Variants in GALNT18 observed in about 807,000 individuals in gnomAD.
GALNT18 encodes the protein GalNAc-transferase 18.
GALNT18 carries 44 observed loss-of-function variants against 69.5 expected under a neutral mutation model. That is an observed-to-expected ratio of 0.63 (90% CI 0.50 to 0.81). GALNT18 has a LOEUF of 0.81. Among genes scored for constraint, GALNT18 ranks in the 40% least tolerant of loss-of-function variants. The pLI is 0.00. For missense variants in GALNT18, 715 were observed against 810.0 expected, an observed-to-expected ratio of 0.88 and a Z score of 1.42; for synonymous variants, 364 against 318.2, an observed-to-expected ratio of 1.14 and a Z score of -1.53.
rs1854136398 is a variant in GALNT18 at position 11,389,638 on chromosome 11, C to T, written c.596-10374G>A. On this transcript the variant is annotated intron_variant, in intron 3 of 10. Coordinates refer to ENST00000227756, the MANE Select transcript of GALNT18 (RefSeq NM_198516.3). The surrounding 1 kb of genome is among the most constrained non-coding windows in gnomAD (Gnocchi z 4.3). ...CAGGCAGGAGTGGACGCTGCTCCAG[C>T]CCCAGCTCCTCCAGCTTAGGAGTAC... is the stretch of plus-strand genomic sequence containing the variant. Among the ~76,000 whole-genome samples, 1 of 152,170 alleles carries T rather than the reference C, an allele frequency of 6.6e-6. No individual in the cohort carries two copies. Among genetic ancestry groups the T allele is most frequent in the South Asian group, 2.1e-4 (1 of 4,826 alleles).
In GALNT18 at chr11:11,542,665, AC is replaced by A. The variant is rs1857954725; in HGVS notation, c.235+78693del. 6.6e-6 allele frequency among the ~76,000 whole-genome samples: 1 copy of A among 152,214 alleles called. No individual in the cohort carries two copies. Among genetic ancestry groups the A allele is most frequent in the African/African-American group, 2.4e-5 (1 of 41,454 alleles). ...GGCAGCATGGGTTCAAATCTCTGCTACTTTCTAGTTGTGTAATCTTGGTCAC... is the reference window on the plus strand; with the variant it reads ...GGCAGCATGGGTTCAAATCTCTGCTATTTCTAGTTGTGTAATCTTGGTCAC... On this transcript the variant is annotated intron_variant, in intron 1 of 10. Transcript: ENST00000227756. This position sits in a 1 kb window ranked among gnomAD's most constrained non-coding sequence, Gnocchi z 4.3.
chr11:11,571,592 T>G (rs1858794723), intron 1 of GALNT18, among the ~76,000 whole-genome samples: 1 of 152,292 alleles, frequency 6.6e-6, no homozygotes, highest in East Asian at 1.9e-4. Context: ...CAACCGCATG[T>G]CCAGGAGCCC....
intron 2 of GALNT18, among the ~76,000 whole-genome samples, chr11:11,447,793 G>C (rs760842901): frequency 1.3e-5 from 2 of 152,168 alleles, no homozygotes; most frequent in Admixed American, 6.5e-5. Context: ...CTCCTACCTG[G>C]TCCCTCCCAC....
At chr11:11,441,018 G>C (rs1855522236) in intron 2 of GALNT18, among the ~76,000 whole-genome samples, 2 of 152,198 alleles carry the variant, frequency 1.3e-5, no homozygotes. Flanking sequence ...TCACCTGTTT[G>C]TCATACTACC....
At position 11,318,245 on chromosome 11, in the gene GALNT18, G is replaced by C. The variant is rs549000624; in HGVS notation, c.1512+8841C>G. 1.3e-4 allele frequency among the ~76,000 whole-genome samples: 20 copies of C among 152,282 alleles called. No individual in the cohort carries two copies. In the South Asian group the frequency reaches 4.2e-3, roughly 32 times the overall value. ...GATTGTGTCACCCCAAAATTCATAT[G>C]TTAAAGTCCTAACCCCCAGTACCTC... On this transcript the variant is annotated intron_variant, in intron 9 of 10. Transcript: ENST00000227756. The surrounding 1 kb of genome is among the most constrained non-coding windows in gnomAD (Gnocchi z 5.1).
chr11:11,352,585 C>G (rs1850435549), intron 6 of GALNT18: 2 of 1,614,168 alleles, frequency 1.2e-6, no homozygotes, highest in Non-Finnish European at 1.7e-6. Context: ...TAAAACTCAG[C>G]CAAACCCCAG....
intron 1 of GALNT18, among the ~76,000 whole-genome samples, chr11:11,481,376 G>T (rs1262632993): frequency 6.6e-6 from 1 of 152,168 alleles, no homozygotes; most frequent in East Asian, 1.9e-4. Flanking sequence ...AGCTCAAGAA[G>T]GAGATGAAGA....
At chr11:11,508,764 A>G (rs891338876) in intron 1 of GALNT18, among the ~76,000 whole-genome samples, 4 of 152,196 alleles carry the variant, frequency 2.6e-5, no homozygotes, top group African/African-American at 9.6e-5. Flanking sequence ...ATAGAACTCC[A>G]TTTCTAAAAT....
intron 6 of GALNT18, among the ~76,000 whole-genome samples, chr11:11,348,885 G>A (rs1298551611): frequency 6.6e-6 from 1 of 152,180 alleles, no homozygotes; most frequent in African/African-American, 2.4e-5. Flanking sequence ...ATAACTCTGT[G>A]TGTGTGTGCA....
rs1407398516 is a variant in GALNT18, at chr11:11,444,995, G to A, written c.428+3749C>T. Among the ~76,000 whole-genome samples the A allele has an allele frequency of 6.6e-6, 1 of 152,184 alleles. No individual in the cohort carries two copies. The highest frequency in any genetic ancestry group is 1.9e-4 in the East Asian group (1 of 5,190). On this transcript the variant is annotated intron_variant, in intron 2 of 10. Coordinates refer to ENST00000227756, the MANE Select transcript of GALNT18 (RefSeq NM_198516.3). This position sits in a 1 kb window ranked among gnomAD's most constrained non-coding sequence, Gnocchi z 4.4. ...AAATCCCAACATTAGCCAGAGCCCA[G>A]GCATCATTCTGAGCCTTGGCAACAA...
chr11:11,296,605 T>G (rs1033842871), intron 9 of GALNT18, among the ~76,000 whole-genome samples: 17 of 152,220 alleles, frequency 1.1e-4, no homozygotes, highest in African/African-American at 3.9e-4. Flanking sequence ...CACAAGTGGC[T>G]ACTCAGGTAA....
chr11:11,431,407 T>A (rs559355288), intron 3 of GALNT18, among the ~76,000 whole-genome samples: 89 of 152,270 alleles, frequency 5.8e-4, no homozygotes, highest in African/African-American at 2.1e-3. Context: ...TAGGCAGCCA[T>A]CAGAGATGGG....
chr11:11,502,432 G>A (rs11021879), intron 1 of GALNT18, among the ~76,000 whole-genome samples: 19,295 of 152,226 alleles, frequency 0.13, 1,473 homozygotes, highest in East Asian at 0.36. Flanking sequence ...ACAGACAAGA[G>A]GCCTTCGCCA....
intron 9 of GALNT18, among the ~76,000 whole-genome samples, chr11:11,296,319 GAAA>G (rs1849400409): frequency 6.6e-6 from 1 of 152,136 alleles, no homozygotes; most frequent in Admixed American, 6.5e-5. Flanking sequence ...ACCATATCCA[GAAA>G]GACTGCCCTG....
intron 9 of GALNT18, among the ~76,000 whole-genome samples, chr11:11,296,525 C>T (rs1429488959): frequency 6.6e-6 from 1 of 152,182 alleles, no homozygotes; most frequent in East Asian, 1.9e-4. Context: ...GCCAGGGAGC[C>T]AGTCATTCCC....
intron 6 of GALNT18, among the ~76,000 whole-genome samples, chr11:11,348,140 G>A (rs1328784180): frequency 6.6e-6 from 1 of 152,150 alleles, no homozygotes; most frequent in Non-Finnish European, 1.5e-5. Context: ...CACTTTGGGA[G>A]GCTGAGGCAG....
At chr11:11,485,300 T>C (rs555167214) in intron 1 of GALNT18, among the ~76,000 whole-genome samples, 1 of 152,324 alleles carries the variant, frequency 6.6e-6, no homozygotes, top group East Asian at 1.9e-4. Context: ...AAGTAGCAGG[T>C]GGTTACCTAT....
At chr11:11,437,441 A>C (rs1362226975) in intron 2 of GALNT18, among the ~76,000 whole-genome samples, 1 of 152,122 alleles carries the variant, frequency 6.6e-6, no homozygotes, top group Non-Finnish European at 1.5e-5. Context: ...AAGGAGATGC[A>C]GGGATGGGGA....
rs367634043 is a variant in GALNT18 at position 11,271,168 on chromosome 11, G to A, written c.1800C>T (p.Asn600=). The change falls in exon 11 of 11, where the codon AAC becomes AAT. Residue 600 remains asparagine (N), a synonymous_variant. Transcript: ENST00000227756. ...GTCAGGACGCGAGGCTCCTCAGGAC[G>A]TTGGTGATGCTCCAGTGCTGGCCCG... ...KCSGQHWSIT[N]VLRSLAS is the part of the protein sequence containing the mutation. The A allele has an allele frequency of 2.6e-5, 42 of 1,613,744 alleles. No homozygotes were observed. In the African/African-American group the frequency reaches 2.8e-4, roughly 11 times the overall value.
Sources: gnomAD v4.1 joint callset for allele counts (sites outside exome capture counted in the v4.1 genomes callset) on GRCh38, gnomAD v4.1.1 for gene constraint, Gnocchi (gnomAD v3.1) non-coding constraint, MANE v1.5 for transcripts, NCBI Gene and HGNC (gene_info 2026-07-23, HGNC 2026-07-21) for gene names.